Variants in MDN1 observed in about 807,000 individuals in gnomAD.
MDN1 encodes midasin AAA ATPase 1, also known as midasin.
A neutral mutation model predicts 669.2 loss-of-function variants in MDN1; 266 were observed. The observed-to-expected ratio is 0.40, with a 90% CI of 0.36 to 0.44. MDN1 has a LOEUF of 0.44. Among genes scored for constraint, MDN1 ranks in the 20% least tolerant of loss-of-function variants. The probability of loss-of-function intolerance (pLI) is 1.00; values close to 1 mark genes in which losing one functional copy is unlikely to be tolerated. For synonymous variants in MDN1, 2,385 were observed against 2,457.1 expected (o/e 0.97, Z 0.87); for missense variants, 5,940 against 6,754.0 (o/e 0.88, Z 4.22).
chr6:89,783,879 G>A (rs1452441671), intron 9 of MDN1, among the ~76,000 whole-genome samples: 2 of 152,072 alleles, frequency 1.3e-5, no homozygotes, highest in East Asian at 3.9e-4. Context: ...CTACTCGGGA[G>A]GCTGAGGCAG....
rs957745680 is a variant in MDN1, at chr6:89,664,522, T to G, written c.14201A>C (p.Asp4734Ala). 6 of 1,614,006 alleles carry G rather than the reference T, an allele frequency of 3.7e-6. No homozygotes were observed. The highest frequency in any genetic ancestry group is 8.5e-7 in the Non-Finnish European group (1 of 1,179,998). Reference protein sequence around the residue: ...DNAIEMSEDFDGKMHDGELEE... With the variant: ...DNAIEMSEDFAGKMHDGELEE... ...AAGCTCCCCATCATGCATTTTCCCA[T>G]CAAAATCTTCCGACATCTCAATGGC... The change falls in exon 85 of 102, where the codon GAT becomes GCT. Residue 4734 changes from aspartate (D) to alanine (A), a missense_variant. Transcript: ENST00000369393.
In MDN1 at chr6:89,676,143, G is replaced by A. The variant is rs1038365659; in HGVS notation, c.12604C>T (p.Arg4202Trp). 19 of 1,614,192 alleles carry A rather than the reference G, an allele frequency of 1.2e-5. No individual in the cohort carries two copies. The highest frequency in any genetic ancestry group is 1.4e-5 in the Non-Finnish European group (17 of 1,180,040). The change falls in exon 77 of 102, where the codon CGG becomes TGG. Residue 4202 changes from arginine to tryptophan, a missense_variant. Physicochemically the swap from Arg to Trp is moderately radical, Grantham distance 101 (BLOSUM62 -3). This residue lies in a region of MDN1 where 2,280 missense variants were observed against 2,576.3 expected (regional missense o/e 0.88). Coordinates refer to ENST00000369393, the MANE Select transcript of MDN1 (RefSeq NM_014611.3). ...CQKYFYRSLA[R>W]HARLNAALAT... ...AGTGCTGCGTTAAGCCTGGCATGCC[G>A]TGCAAGAGAGCGATAAAAATACTTC...
intron 13 of MDN1, among the ~76,000 whole-genome samples, chr6:89,773,430 C>T (rs1483201014): frequency 1.3e-5 from 2 of 150,796 alleles, no homozygotes; most frequent in African/African-American, 2.4e-5. Context: ...GTTCCAGCTA[C>T]TCGGGAGGCT....
chr6:89,796,324 C>CAAAAAAAAAAAAAAAAAAAAA (rs35169575), intron 2 of MDN1, among the ~76,000 whole-genome samples: 5 of 45,392 alleles, frequency 1.1e-4, no homozygotes, highest in African/African-American at 1.5e-4. Context: ...AACTCTGTCT[C>CAAAAAAAAAAAAAAAAAAAAA]AAAAAAAAAA....
chr6:89,730,830 G>GT lies in MDN1; in HGVS notation c.5035dup (p.Thr1679AsnfsTer7). The GT allele has an allele frequency of 6.2e-7, 1 of 1,613,936 alleles. No individual in the cohort carries two copies. Among genetic ancestry groups the GT allele is most frequent in the Non-Finnish European group, 8.5e-7 (1 of 1,179,944 alleles). On this transcript the variant is annotated frameshift_variant, in exon 35 of 102. Coordinates refer to ENST00000369393, the MANE Select transcript of MDN1 (RefSeq NM_014611.3). LOFTEE classifies it high-confidence loss of function. Reference sequence around the variant, plus strand: ...CTTCAACTCATTTTTCTGATATTCTGTAAGTCGTACTATCTTGGCAAGCCT... The same window carrying GT: ...CTTCAACTCATTTTTCTGATATTCTGTTAAGTCGTACTATCTTGGCAAGCCT...
intron 66 of MDN1, 36 bp from the exon 67 acceptor site, chr6:89,688,209 T>C: frequency 6.4e-7 from 1 of 1,559,904 alleles, no homozygotes; most frequent in Non-Finnish European, 8.8e-7. Context: ...TCAGTAGGAA[T>C]ACCAGTGATC....
At chr6:89,765,297 C>T (rs1817757154) in intron 15 of MDN1, among the ~76,000 whole-genome samples, 1 of 151,840 alleles carries the variant, frequency 6.6e-6, no homozygotes, top group Non-Finnish European at 1.5e-5. Context: ...TCTGATTGTA[C>T]TTTAAAGGAT....
chr6:89,656,215 T>C (rs1042104375), intron 91 of MDN1, among the ~76,000 whole-genome samples: 2 of 152,316 alleles, frequency 1.3e-5, no homozygotes, highest in Admixed American at 1.3e-4. Context: ...ATATGTCATA[T>C]ATGCAGAAAA....
At chr6:89,702,541 A>G (rs1294452309) in intron 53 of MDN1, among the ~76,000 whole-genome samples, 2 of 152,242 alleles carry the variant, frequency 1.3e-5, no homozygotes, top group Non-Finnish European at 2.9e-5. Flanking sequence ...TTCTTTGATA[A>G]CTGATGACAC....
rs185385578 is a variant in MDN1, at chr6:89,778,327, C to A, written c.1726-1632G>T. 3.1e-3 allele frequency among the ~76,000 whole-genome samples: 475 copies of A among 151,794 alleles called. 3 individuals are homozygous for A. Among genetic ancestry groups the A allele is most frequent in the African/African-American group, 0.011 (450 of 41,370 alleles). On this transcript the variant is annotated intron_variant, in intron 11 of 101. Coordinates refer to ENST00000369393, the MANE Select transcript of MDN1 (RefSeq NM_014611.3). ...TGTTTTTTAACAAGAAGAATCTAGT[C>A]CTTTTAAAATTAAAATATATTTTAA...
intron 78 of MDN1, 70 bp downstream of exon 78, chr6:89,675,394 A>T: frequency 1.5e-6 from 2 of 1,306,924 alleles, no homozygotes; most frequent in Non-Finnish European, 2.2e-6. Flanking sequence ...CCCCACATGC[A>T]GCAACTCTGA....
Position 89,662,321 on chromosome 6 carries a change from T to A in MDN1, c.14413-82A>T, listed in dbSNP as rs371956960. 254 of 1,426,638 alleles carry A rather than the reference T, an allele frequency of 1.8e-4. No homozygotes were observed. In the East Asian group the frequency reaches 2.2e-3, roughly 13 times the overall value. 88.4% of individuals were successfully genotyped at this position (1,426,638 alleles called of 1,614,324 possible). On this transcript the variant is annotated intron_variant, in intron 86 of 101. Coordinates refer to ENST00000369393, the MANE Select transcript of MDN1 (RefSeq NM_014611.3). The stretch of plus-strand genomic sequence containing the variant: ...GCATGGGTTGACTTTTAGACATGCA[T>A]AATTTCTGCCTATTGGACCTATCCC...
At chr6:89,674,739 G>T in intron 78 of MDN1, 150 bp from the exon 79 acceptor site, 1 of 1,109,032 alleles carries the variant, frequency 9.0e-7, no homozygotes, top group Non-Finnish European at 1.2e-6. Flanking sequence ...TAAAAAGTCT[G>T]TTAAAATGCC....
intron 27 of MDN1, 142 bp downstream of exon 27, chr6:89,747,187 T>C: frequency 2.2e-6 from 2 of 913,634 alleles, no homozygotes; most frequent in Non-Finnish European, 3.2e-6. Context: ...TTACAAAAGC[T>C]GTTAGAACTG....
intron 83 of MDN1, among the ~76,000 whole-genome samples, chr6:89,670,259 C>A (rs527856809): frequency 6.9e-6 from 1 of 144,414 alleles, no homozygotes; most frequent in Admixed American, 7.1e-5. Flanking sequence ...CTGCAACCTC[C>A]GCCTCCCCGG....
intron 53 of MDN1, 99 bp from the exon 54 acceptor site, chr6:89,702,160 C>A: frequency 8.6e-7 from 1 of 1,168,280 alleles, no homozygotes; most frequent in Non-Finnish European, 1.2e-6. Context: ...CAACATCTCC[C>A]GGGAAAAGAC....
chr6:89,795,228 A>G (rs1819518198), intron 2 of MDN1, among the ~76,000 whole-genome samples: 1 of 152,198 alleles, frequency 6.6e-6, no homozygotes, highest in South Asian at 2.1e-4. Flanking sequence ...TGAGCCAGAT[A>G]CTGTAGTTTA....
At chr6:89,657,957 C>T (rs1294197197) in intron 90 of MDN1, among the ~76,000 whole-genome samples, 1 of 152,186 alleles carries the variant, frequency 6.6e-6, no homozygotes. Context: ...TGTAAGTACA[C>T]GCTATGGTGT....
In MDN1 at chr6:89,727,854, G is replaced by A. The variant is rs1562148875; in HGVS notation, c.5451C>T (p.Gly1817=). 6.2e-7 allele frequency: 1 copy of A among 1,613,906 alleles called. No homozygotes were observed. Among genetic ancestry groups the A allele is most frequent in the Non-Finnish European group, 8.5e-7 (1 of 1,179,928 alleles). ...TCACCTCATCCAACACCACCCAATGGCCTGCCTTCAAAGCTGCCAGTAAGG... is the reference window on the plus strand; with the variant it reads ...TCACCTCATCCAACACCACCCAATGACCTGCCTTCAAAGCTGCCAGTAAGG... ...DGPLLAALKA[G]HWVVLDELNL... Residue 1817 remains glycine (G), a synonymous_variant, in exon 37 of 102, where the codon GGC becomes GGT. Transcript: ENST00000369393.
Sources: allele counts gnomAD v4.1 joint callset (sites outside exome capture counted in the v4.1 genomes callset), GRCh38; gene constraint gnomAD v4.1.1; regional missense constraint gnomAD v4.1.1; transcripts MANE v1.5; gene names NCBI Gene and HGNC (gene_info 2026-07-23, HGNC 2026-07-21).